Variants in GRID1 observed in about 807,000 individuals in gnomAD.
The protein encoded by GRID1 is glutamate receptor ionotropic, delta-1.
A neutral mutation model predicts 98.0 loss-of-function variants in GRID1; 28 were observed. The observed-to-expected ratio is 0.29, with a 90% CI of 0.21 to 0.39. The LOEUF (loss-of-function observed/expected upper bound fraction) is 0.39. GRID1 is among the 10% of genes least tolerant of loss of function. The pLI is 1.00. For missense variants in GRID1, 1,111 were observed against 1,340.5 expected, an observed-to-expected ratio of 0.83 and a Z score of 2.67; for synonymous variants, 553 against 538.5, an observed-to-expected ratio of 1.03 and a Z score of -0.37.
At position 85,613,418 on chromosome 10, in the gene GRID1, T is replaced by C; in HGVS notation, c.2590A>G (p.Thr864Ala). The C allele has an allele frequency of 2.5e-6, 4 of 1,612,732 alleles. No homozygotes were observed. Among genetic ancestry groups the C allele is most frequent in the Non-Finnish European group, 3.4e-6 (4 of 1,179,692 alleles). Residue 864 changes from threonine (T) to alanine (A), a missense_variant, in exon 15 of 16, where the codon ACC becomes GCC. By Grantham distance (58) the Thr-to-Ala change is moderately conservative. Transcript: ENST00000327946. ...WWNSNRCHQE[T>A]PKEDKEVNLE... is the part of the protein sequence containing the mutation. ...CCCAGGGTGCTGACCTCCTTGGGGG[T>C]CTCCTGGTGGCACCGGTTGCTGTTC...
Position 86,195,131 on chromosome 10 carries a change from C to G in GRID1, c.520+11233G>C, listed in dbSNP as rs1273790437. Among the ~76,000 whole-genome samples, 2 of 152,072 alleles carry G rather than the reference C, an allele frequency of 1.3e-5. No homozygotes were observed. The highest frequency in any genetic ancestry group is 2.9e-5 in the Non-Finnish European group (2 of 67,956). Reference sequence around the variant, plus strand: ...AGGCAGAGGCAAGTCCTATCCCTACCCTTCCAGGAATGGTAAGTTCCAGCT... The same window carrying G: ...AGGCAGAGGCAAGTCCTATCCCTACGCTTCCAGGAATGGTAAGTTCCAGCT... On this transcript the variant is annotated intron_variant, in intron 3 of 15. Transcript: ENST00000327946. This position sits in a 1 kb window ranked among gnomAD's most constrained non-coding sequence, Gnocchi z 4.4.
At chr10:85,929,065 G>T in intron 4 of GRID1, among the ~76,000 whole-genome samples, 1 of 152,242 alleles carries the variant, frequency 6.6e-6, no homozygotes, top group Admixed American at 6.5e-5. Context: ...CAATATGTTC[G>T]AAAATGCTAT....
intron 8 of GRID1, among the ~76,000 whole-genome samples, chr10:85,768,337 T>C (rs955072798): frequency 6.6e-6 from 1 of 151,970 alleles, no homozygotes; most frequent in Non-Finnish European, 1.5e-5. Flanking sequence ...GAAGGTAACA[T>C]TGAAAAATTA....
chr10:85,728,198 T>C (rs1005037111), intron 9 of GRID1, 146 bp from the exon 10 acceptor site: 3 of 660,170 alleles, frequency 4.5e-6, no homozygotes, highest in East Asian at 5.3e-5. Flanking sequence ...TGCCTTTTTC[T>C]AAAAGCAGTT....
At chr10:85,881,126 A>T (rs1841006660) in intron 5 of GRID1, among the ~76,000 whole-genome samples, 1 of 152,224 alleles carries the variant, frequency 6.6e-6, no homozygotes, top group African/African-American at 2.4e-5. Context: ...ATAAAAGAGG[A>T]TACAAAGAAA....
At chr10:86,180,141 G>A (rs1358325028) in intron 3 of GRID1, among the ~76,000 whole-genome samples, 3 of 152,196 alleles carry the variant, frequency 2.0e-5, no homozygotes, top group South Asian at 2.1e-4. Flanking sequence ...GTGGAGAGGT[G>A]CAGGAGAGGT....
intron 2 of GRID1, among the ~76,000 whole-genome samples, chr10:86,348,266 G>A (rs952263452): frequency 1.3e-5 from 2 of 152,198 alleles, no homozygotes. Context: ...TGGTGCTGGT[G>A]CTCACAGACT....
At chr10:86,337,929 A>C (rs1275094210) in intron 2 of GRID1, among the ~76,000 whole-genome samples, 1 of 152,042 alleles carries the variant, frequency 6.6e-6, no homozygotes, top group Non-Finnish European at 1.5e-5. Flanking sequence ...GCTGGTCTCA[A>C]ACCCCTGACC....
At position 85,727,963 on chromosome 10, in the gene GRID1, G is replaced by A. The variant is rs1841780713; in HGVS notation, c.1425C>T (p.Ala475=). Residue 475 remains alanine (A), a synonymous_variant, in exon 10 of 16, where the codon GCC becomes GCT. Transcript: ENST00000327946. Reference sequence around the variant, plus strand: ...TCTCATATTTAAAGCCCAGAGCCTTGGCCAGTGCATCCAGGACATCTATGG... The same window carrying A: ...TCTCATATTTAAAGCCCAGAGCCTTAGCCAGTGCATCCAGGACATCTATGG... The part of the protein sequence containing the change: ...GFSIDVLDAL[A]KALGFKYEIY... 6.2e-7 allele frequency: 1 copy of A among 1,613,564 alleles called. No individual in the cohort carries two copies. Among genetic ancestry groups the A allele is most frequent in the Non-Finnish European group, 8.5e-7 (1 of 1,179,562 alleles).
chr10:85,938,241 T>G lies in GRID1; in HGVS notation c.727-22002A>C, dbSNP rs74587263. Among the ~76,000 whole-genome samples the G allele has an allele frequency of 7.7e-3, 1,179 of 152,276 alleles. 18 individuals are homozygous for G. Among genetic ancestry groups the G allele is most frequent in the African/African-American group, 0.027 (1,131 of 41,564 alleles). ...AATTAAGGAGAAAAATACTTGGACA[T>G]ATTTTCTATAAGTAAGACCCAATAT... On this transcript the variant is annotated intron_variant, in intron 4 of 15. Coordinates refer to ENST00000327946, the MANE Select transcript of GRID1 (RefSeq NM_017551.3).
At chr10:85,776,731 G>A (rs1038361960) in intron 8 of GRID1, among the ~76,000 whole-genome samples, 5 of 152,220 alleles carry the variant, frequency 3.3e-5, no homozygotes, top group Non-Finnish European at 7.3e-5. Context: ...CTCTGCCAAC[G>A]CAGAGGAGGT....
intron 12 of GRID1, among the ~76,000 whole-genome samples, chr10:85,699,382 A>T (rs907407500): frequency 1.3e-5 from 2 of 152,102 alleles, no homozygotes; most frequent in Non-Finnish European, 2.9e-5. Context: ...AGTTCTTTGT[A>T]TATGTTGGAT....
chr10:85,965,854 T>G (rs867860416), intron 4 of GRID1, among the ~76,000 whole-genome samples: 1 of 152,164 alleles, frequency 6.6e-6, no homozygotes, highest in Admixed American at 6.5e-5. Context: ...GAGTGTTTAT[T>G]CAAAAAATCC....
chr10:86,338,818 A>G (rs1052260654), intron 2 of GRID1, among the ~76,000 whole-genome samples: 17 of 152,082 alleles, frequency 1.1e-4, no homozygotes, highest in African/African-American at 3.9e-4. Flanking sequence ...TCGGCCTCCC[A>G]AAGTGCTAGG....
At chr10:85,787,281 G>A (rs773700285) in intron 8 of GRID1, among the ~76,000 whole-genome samples, 20 of 152,142 alleles carry the variant, frequency 1.3e-4, no homozygotes, top group Non-Finnish European at 1.5e-4. Context: ...GGGCCTACTG[G>A]TGCTGACATC....
At chr10:85,856,224 A>G (rs1251727109) in intron 6 of GRID1, 34 bp from the exon 7 acceptor site, 1 of 1,603,348 alleles carries the variant, frequency 6.2e-7, no homozygotes, top group Admixed American at 1.7e-5. Flanking sequence ...CCCTTTCCAC[A>G]GGTGCATTTC....
intron 8 of GRID1, among the ~76,000 whole-genome samples, chr10:85,761,890 G>C (rs1191194666): frequency 2.6e-5 from 4 of 151,932 alleles, no homozygotes; most frequent in East Asian, 1.9e-4. Flanking sequence ...CTGCAATTCA[G>C]AATTGTGAAG....
In GRID1 at chr10:85,727,948, A is replaced by G; in HGVS notation, c.1440T>C (p.Phe480=). 1.2e-6 allele frequency: 2 copies of G among 1,613,696 alleles called. No individual in the cohort carries two copies. Among genetic ancestry groups the G allele is most frequent in the Non-Finnish European group, 1.7e-6 (2 of 1,179,610 alleles). ...CAGGGGCTTGGTAAATCTCATATTT[A>G]AAGCCCAGAGCCTTGGCCAGTGCAT... ...VLDALAKALG[F]KYEIYQAPDG... Residue 480 remains phenylalanine, a synonymous_variant, in exon 10 of 16, where the codon TTT becomes TTC. Transcript: ENST00000327946.
At chr10:85,788,844 G>T (rs1057304350) in intron 8 of GRID1, among the ~76,000 whole-genome samples, 1 of 152,220 alleles carries the variant, frequency 6.6e-6, no homozygotes, top group African/African-American at 2.4e-5. Context: ...CTGCTTTGGA[G>T]ATGTCAGCCC....
Sources: gnomAD v4.1 joint callset for allele counts (sites outside exome capture counted in the v4.1 genomes callset) on GRCh38, gnomAD v4.1.1 for gene constraint, Gnocchi (gnomAD v3.1) non-coding constraint, MANE v1.5 for transcripts, NCBI Gene and HGNC (gene_info 2026-07-23, HGNC 2026-07-21) for gene names.